The following EGF variants were observed in gnomAD, a reference collection of about 807,000 sequenced individuals.
The protein encoded by EGF is epidermal growth factor.
Under a neutral mutation model 143.8 loss-of-function variants are expected in EGF, and 95 were observed. That is an observed-to-expected ratio of 0.66 (90% confidence interval 0.56 to 0.78). The LOEUF (loss-of-function observed/expected upper bound fraction) is 0.78, where lower values mean the gene tolerates loss of function less well. EGF is among the 30% of genes least tolerant of loss of function. The pLI, the probability that EGF is intolerant of heterozygous loss-of-function variation, is 0.00. For synonymous variants in EGF, 510 were observed against 510.5 expected (o/e 1.00, Z 0.01); for missense variants, 1,320 against 1,470.9 (o/e 0.90, Z 1.68).
At chr4:109,989,630 C>T (rs925252484) in intron 18 of EGF, among the ~76,000 whole-genome samples, 1 of 152,152 alleles carries the variant, frequency 6.6e-6, no homozygotes, top group Non-Finnish European at 1.5e-5. Context: ...CTCTTTTAAG[C>T]ACATATTTGG....
At chr4:109,936,762 A>G (rs1740883295) in intron 1 of EGF, among the ~76,000 whole-genome samples, 1 of 152,202 alleles carries the variant, frequency 6.6e-6, no homozygotes, top group African/African-American at 2.4e-5. Context: ...TTGGTTTCCA[A>G]TAACTTATTT....
chr4:110,006,073 G>T (rs1263030625), intron 22 of EGF, among the ~76,000 whole-genome samples: 2 of 152,110 alleles, frequency 1.3e-5, no homozygotes, highest in East Asian at 1.9e-4. Flanking sequence ...GGGCAAGTTT[G>T]CTCATGCCTG....
At chr4:109,975,965 A>G in intron 12 of EGF, 47 bp from the exon 13 acceptor site, 1 of 1,565,372 alleles carries the variant, frequency 6.4e-7, no homozygotes, top group Non-Finnish European at 8.8e-7. Context: ...GAACAGAATA[A>G]TTTATTTCAT....
At chr4:109,987,413 C>T (rs1196639060) in intron 16 of EGF, among the ~76,000 whole-genome samples, 1 of 152,020 alleles carries the variant, frequency 6.6e-6, no homozygotes, top group Non-Finnish European at 1.5e-5. Flanking sequence ...CCTACCTCAG[C>T]CCCCCAAGTA....
At chr4:109,933,559 C>T (rs1392587745) in intron 1 of EGF, among the ~76,000 whole-genome samples, 1 of 152,036 alleles carries the variant, frequency 6.6e-6, no homozygotes, top group African/African-American at 2.4e-5. Context: ...TCTCCCAACG[C>T]TATCCCTCCA....
chr4:109,997,624 A>C (rs1578386219), intron 20 of EGF, among the ~76,000 whole-genome samples: 1 of 151,968 alleles, frequency 6.6e-6, no homozygotes, highest in East Asian at 1.9e-4. Context: ...ACCATTTTTT[A>C]TATTTTTAGT....
At chr4:109,923,642 C>G (rs1247806080) in intron 1 of EGF, among the ~76,000 whole-genome samples, 2 of 151,422 alleles carry the variant, frequency 1.3e-5, no homozygotes, top group African/African-American at 4.9e-5. Context: ...TTTTTTGAGA[C>G]AGGGTCTCAC....
chr4:109,990,479 G>A (rs1442894218), intron 18 of EGF, among the ~76,000 whole-genome samples: 1 of 152,170 alleles, frequency 6.6e-6, no homozygotes, highest in Non-Finnish European at 1.5e-5. Context: ...AGGAGTCCAG[G>A]CATGAACAGA....
rs1579530257 is a variant in EGF, at chr4:109,939,881, T to C, written c.128-1065T>C. On this transcript the variant is annotated intron_variant, in intron 1 of 23. Transcript: ENST00000265171. ...TAAGCCCAGCACAGAAGCAAGAATA[T>C]GTTAGAATTCCCCTCCATTCCCCAC... Among the ~76,000 whole-genome samples, 4 of 152,294 alleles carry C rather than the reference T, an allele frequency of 2.6e-5. No individual in the cohort carries two copies. The South Asian group carries it at 6.2e-4, about 24-fold the overall frequency.
intron 5 of EGF, among the ~76,000 whole-genome samples, chr4:109,957,791 C>T (rs968440824): frequency 6.6e-6 from 1 of 152,186 alleles, no homozygotes; most frequent in Admixed American, 6.5e-5. Flanking sequence ...TCAGCTCTAG[C>T]TGATTTTAAC....
intron 20 of EGF, among the ~76,000 whole-genome samples, chr4:109,996,754 G>T (rs761066237): frequency 3.3e-5 from 5 of 152,188 alleles, no homozygotes; most frequent in Non-Finnish European, 7.3e-5. Flanking sequence ...TGATGCAGAG[G>T]AAGTGAGAGT....
chr4:109,989,310 T>C (rs1750613009), intron 18 of EGF, among the ~76,000 whole-genome samples: 1 of 152,218 alleles, frequency 6.6e-6, no homozygotes, highest in South Asian at 2.1e-4. Context: ...GCGTCGTGGA[T>C]GTCTCATACG....
intron 11 of EGF, among the ~76,000 whole-genome samples, chr4:109,971,069 T>C (rs1237057326): frequency 1.3e-5 from 2 of 152,104 alleles, no homozygotes; most frequent in African/African-American, 4.8e-5. Context: ...AGTTTTGTTA[T>C]CTCCAATTTA....
chr4:109,917,352 C>A (rs1736849204), intron 1 of EGF, among the ~76,000 whole-genome samples: 1 of 152,144 alleles, frequency 6.6e-6, no homozygotes, highest in Non-Finnish European at 1.5e-5. Flanking sequence ...TTGTTTCTAT[C>A]AAAAGTAAAC....
chr4:109,969,129 C>G lies in EGF; in HGVS notation c.1724+10C>G, dbSNP rs1292451055. 6.2e-7 allele frequency: 1 copy of G among 1,614,090 alleles called. No homozygotes were observed. The highest frequency in any genetic ancestry group is 1.1e-5 in the South Asian group (1 of 91,078). The stretch of plus-strand genomic sequence containing the variant: ...ATTGGACAGACAGAGGGTATGTTTT[C>G]TGCTTCAGTTTTAAGCTGTGTGAGA... On this transcript the variant is annotated intron_variant, in intron 11 of 23. Transcript: ENST00000265171.
intron 11 of EGF, among the ~76,000 whole-genome samples, chr4:109,971,329 T>C (rs1747620429): frequency 6.6e-6 from 1 of 152,208 alleles, no homozygotes; most frequent in South Asian, 2.1e-4. Flanking sequence ...AATGACCTCC[T>C]CTGTGTTGAA....
At chr4:109,919,828 G>A (rs1001116352) in intron 1 of EGF, among the ~76,000 whole-genome samples, 1 of 151,542 alleles carries the variant, frequency 6.6e-6, no homozygotes, top group Non-Finnish European at 1.5e-5. Flanking sequence ...ATTTGCTTGT[G>A]GTGGCATGGT....
At chr4:109,948,151 T>A (rs1743172236) in intron 5 of EGF, among the ~76,000 whole-genome samples, 1 of 152,206 alleles carries the variant, frequency 6.6e-6, no homozygotes, top group Non-Finnish European at 1.5e-5. Flanking sequence ...AGTAATAGAA[T>A]TGGCTGGAAA....
chr4:109,992,988 C>A lies in EGF; in HGVS notation c.2735-259C>A, dbSNP rs1383308261. ...GGGAGGGATAGCATTAGGAGATACA[C>A]CTAAAATAAATGACGAGTTAATGGG... On this transcript the variant is annotated intron_variant, in intron 18 of 23. Transcript: ENST00000265171. Among the ~76,000 whole-genome samples, 3 of 148,350 alleles carry A rather than the reference C, an allele frequency of 2.0e-5. No individual in the cohort carries two copies. In the East Asian group the frequency reaches 5.8e-4, roughly 29 times the overall value.
Sources: allele counts gnomAD v4.1 joint callset (sites outside exome capture counted in the v4.1 genomes callset), GRCh38; gene constraint gnomAD v4.1.1; transcripts MANE v1.5; gene names NCBI Gene and HGNC (gene_info 2026-07-23, HGNC 2026-07-21).